ADIG: variants seen among roughly 807,000 people sequenced by gnomAD.
ADIG encodes adipogenesis associated.
A neutral mutation model predicts 10.7 loss-of-function variants in ADIG; 12 were observed. The observed-to-expected ratio is 1.12, with a 90% CI of 0.72 to 1.82. The LOEUF (loss-of-function observed/expected upper bound fraction) is 1.82. Among genes scored for constraint, ADIG ranks in the 40% most tolerant of loss-of-function variants. ADIG has a pLI of 0.00. For missense variants in ADIG, 72 were observed against 92.5 expected (o/e 0.78, Z 0.91); for synonymous variants, 32 against 35.6 (o/e 0.90, Z 0.36).
In ADIG at chr20:38,588,449, C is replaced by A; in HGVS notation, c.*363C>A. 2.5e-6 allele frequency: 3 copies of A among 1,210,178 alleles called. No homozygotes were observed. Among genetic ancestry groups the A allele is most frequent in the Non-Finnish European group, 3.2e-6 (3 of 944,802 alleles). 75.0% of individuals were successfully genotyped at this position (1,210,178 alleles called of 1,614,324 possible). Reference sequence around the variant, plus strand: ...CAAGGGTCTTCCCATACCCGGGGGACCCCTGACAAACCTACCAGGCCTGAC... The same window carrying A: ...CAAGGGTCTTCCCATACCCGGGGGAACCCTGACAAACCTACCAGGCCTGAC... On this transcript the variant is annotated 3_prime_UTR_variant, in exon 3 of 3. Transcript: ENST00000537425.
At chr20:38,582,188 T>G (rs1038007434) in intron 1 of ADIG, among the ~76,000 whole-genome samples, 1 of 152,166 alleles carries the variant, frequency 6.6e-6, no homozygotes. Flanking sequence ...GGTGGCCAGG[T>G]TGCTTGAGCC....
intron 2 of ADIG, 151 bp from the exon 3 acceptor site, chr20:38,587,950 C>T (rs1326868018): frequency 6.6e-6 from 6 of 910,414 alleles, no homozygotes; most frequent in African/African-American, 1.8e-5. Flanking sequence ...ATTGGTCAGG[C>T]TGGTCTTGAA....
chr20:38,586,117 C>T lies in ADIG; in HGVS notation c.213C>T (p.His71=), dbSNP rs370872771. Reference sequence around the variant, plus strand: ...AGTTTTGCTGGAAGGGGACACTCCACGGCCAAGAGAAGGAGAGGCCCTGCT... The same window carrying T: ...AGTTTTGCTGGAAGGGGACACTCCATGGCCAAGAGAAGGAGAGGCCCTGCT... The part of the protein sequence containing the change: ...PAEFCWKGTL[H]GQEKERPCW Residue 71 remains histidine, a synonymous_variant, in exon 2 of 3, where the codon CAC becomes CAT. Transcript: ENST00000537425. 274 of 1,603,384 alleles carry T rather than the reference C, an allele frequency of 1.7e-4. 1 individual carries two copies. The Middle Eastern group carries it at 1.8e-3, about 11-fold the overall frequency.
Position 38,581,633 on chromosome 20 carries a change from T to TGAGTCCTAGAGTTTGAACCTAGAGTTC in ADIG, c.124+262_124+263insTCCTAGAGTTTGAACCTAGAGTTCGAG, listed in dbSNP as rs2088592700. Among the ~76,000 whole-genome samples, 5 of 144,978 alleles carry TGAGTCCTAGAGTTTGAACCTAGAGTTC rather than the reference T, an allele frequency of 3.4e-5. 2 individuals are homozygous for TGAGTCCTAGAGTTTGAACCTAGAGTTC. Among genetic ancestry groups the TGAGTCCTAGAGTTTGAACCTAGAGTTC allele is most frequent in the Non-Finnish European group, 6.1e-5 (4 of 66,092 alleles). ...AGTCCTAGAGTTTGAACCTAGAGTT[T>TGAGTCCTAGAGTTTGAACCTAGAGTTC]GAGAGTGAGTCCTAGAGTTTGAACC... is the stretch of plus-strand genomic sequence containing the variant. On this transcript the variant is annotated intron_variant, in intron 1 of 2. Transcript: ENST00000537425.
chr20:38,582,388 T>C (rs150196828), intron 1 of ADIG, among the ~76,000 whole-genome samples: 1 of 152,270 alleles, frequency 6.6e-6, no homozygotes, highest in African/African-American at 2.4e-5. Context: ...TGAGACCCTG[T>C]GTCAAAAAAA....
chr20:38,584,537 A>T (rs1395692051), intron 1 of ADIG, among the ~76,000 whole-genome samples: 4 of 152,208 alleles, frequency 2.6e-5, no homozygotes, highest in African/African-American at 9.7e-5. Context: ...GAGTCCAAAC[A>T]CACCCAATGG....
intron 2 of ADIG, among the ~76,000 whole-genome samples, chr20:38,586,618 T>TA (rs369356687): frequency 7.1e-4 from 108 of 152,234 alleles, no homozygotes; most frequent in African/African-American, 2.4e-3. Flanking sequence ...CTGTAGTACT[T>TA]ACCGCCTTCT....
intron 1 of ADIG, chr20:38,585,582 A>G: frequency 2.0e-6 from 3 of 1,513,606 alleles, no homozygotes; most frequent in Non-Finnish European, 2.7e-6. Flanking sequence ...GGACGTGGAC[A>G]CAGTTTCCAG....
At chr20:38,582,705 G>A (rs1054591377) in intron 1 of ADIG, among the ~76,000 whole-genome samples, 14 of 152,332 alleles carry the variant, frequency 9.2e-5, no homozygotes, top group Middle Eastern at 3.4e-3. Flanking sequence ...TGAGGGGCAC[G>A]GTTTAGGCAT....
Position 38,588,309 on chromosome 20 carries a change from A to G in ADIG, c.*223A>G. 7.7e-7 allele frequency: 1 copy of G among 1,304,102 alleles called. No individual in the cohort carries two copies. The highest frequency in any genetic ancestry group is 1.2e-5 in the South Asian group (1 of 80,998). 80.8% of individuals were successfully genotyped at this position (1,304,102 alleles called of 1,614,324 possible). On this transcript the variant is annotated 3_prime_UTR_variant, in exon 3 of 3. Transcript: ENST00000537425. ...CTCCAGCCCTGCAGGGAGCCGCTCAAGTCTGGGAGGGCATGGGAGCAGTGA... is the reference window on the plus strand; with the variant it reads ...CTCCAGCCCTGCAGGGAGCCGCTCAGGTCTGGGAGGGCATGGGAGCAGTGA...
chr20:38,585,915 C>G, intron 1 of ADIG, 114 bp from the exon 2 acceptor site: 1 of 1,081,824 alleles, frequency 9.2e-7, no homozygotes, highest in African/African-American at 1.6e-5. Context: ...TGCCTTGGCC[C>G]TAGCCTCAGG....
chr20:38,584,166 A>T (rs1287761407), intron 1 of ADIG, among the ~76,000 whole-genome samples: 4 of 151,748 alleles, frequency 2.6e-5, no homozygotes, highest in African/African-American at 9.7e-5. Context: ...ACCCGACAGG[A>T]TGCACTTTCC....
In ADIG at chr20:38,581,245, T is replaced by TG; in HGVS notation, c.-5dup. 6.2e-7 allele frequency: 1 copy of TG among 1,607,342 alleles called. No individual in the cohort carries two copies. The highest frequency in any genetic ancestry group is 8.5e-7 in the Non-Finnish European group (1 of 1,176,756). ...CAGGCTGGCCCAGCTTAGCCACACATGCGCCATGAAGTACCCTTTGATGCC... is the reference window on the plus strand; with the variant it reads ...CAGGCTGGCCCAGCTTAGCCACACATGGCGCCATGAAGTACCCTTTGATGCC... On this transcript the variant is annotated 5_prime_UTR_variant, in exon 1 of 3. Transcript: ENST00000537425.
intron 1 of ADIG, among the ~76,000 whole-genome samples, chr20:38,581,722 G>C (rs967387613): frequency 6.6e-6 from 1 of 152,204 alleles, no homozygotes; most frequent in Non-Finnish European, 1.5e-5. Context: ...TGAACTTCCA[G>C]GTGCCCCTTT....
chr20:38,583,395 C>T (rs1349264927), intron 1 of ADIG, among the ~76,000 whole-genome samples: 2 of 152,176 alleles, frequency 1.3e-5, no homozygotes, highest in African/African-American at 2.4e-5. Flanking sequence ...ACTGTGGACA[C>T]CTCTCTGAGC....
At chr20:38,587,596 C>T (rs114296527) in intron 2 of ADIG, among the ~76,000 whole-genome samples, 2,514 of 152,196 alleles carry the variant, frequency 0.017, 79 homozygotes, top group African/African-American at 0.057. Context: ...TTGGGCCCTG[C>T]GAATTATGTA....
intron 2 of ADIG, among the ~76,000 whole-genome samples, chr20:38,587,731 CTTTT>C: frequency 8.1e-6 from 1 of 123,048 alleles, no homozygotes; most frequent in South Asian, 2.8e-4. Context: ...CTCTTTCTTT[CTTTT>C]TTCCCTTTTT....
At chr20:38,581,632 TTGAGAGTGAGTC>T in intron 1 of ADIG, among the ~76,000 whole-genome samples, 1 of 138,926 alleles carries the variant, frequency 7.2e-6, no homozygotes, top group Admixed American at 6.9e-5. Context: ...AACCTAGAGT[TTGAGAGTGAGTC>T]CTAGAGTTTG....
chr20:38,586,773 C>T (rs1186896385), intron 2 of ADIG, among the ~76,000 whole-genome samples: 1 of 151,932 alleles, frequency 6.6e-6, no homozygotes, highest in African/African-American at 2.4e-5. Context: ...TCAATAGGTA[C>T]CAAGGCCTGT....
Sources: allele counts gnomAD v4.1 joint callset (sites outside exome capture counted in the v4.1 genomes callset), GRCh38; gene constraint gnomAD v4.1.1; transcripts MANE v1.5; gene names NCBI Gene and HGNC (gene_info 2026-07-23, HGNC 2026-07-21).